CYP2C18: variants seen among roughly 807,000 people sequenced by gnomAD.
CYP2C18 encodes cytochrome P450 2C18.
A neutral mutation model predicts 41.3 loss-of-function variants in CYP2C18; 38 were observed. The observed-to-expected ratio is 0.92, with a 90% CI of 0.71 to 1.21. CYP2C18 has a LOEUF of 1.21. Among genes scored for constraint, CYP2C18 ranks in the 50% most tolerant of loss-of-function variants. The pLI is 0.00. For missense variants in CYP2C18, 635 were observed against 591.4 expected (o/e 1.07, Z -0.77); for synonymous variants, 236 against 210.0 (o/e 1.12, Z -1.07).
intron 5 of CYP2C18, among the ~76,000 whole-genome samples, chr10:94,718,213 A>G (rs1847588498): frequency 6.6e-6 from 1 of 151,724 alleles, no homozygotes; most frequent in Non-Finnish European, 1.5e-5. Flanking sequence ...GCTATTGTAA[A>G]TGGGTTTATT....
At chr10:94,723,038 A>T (rs1847673141) in intron 6 of CYP2C18, among the ~76,000 whole-genome samples, 1 of 152,184 alleles carries the variant, frequency 6.6e-6, no homozygotes, top group African/African-American at 2.4e-5. Flanking sequence ...AGGGAAAGTC[A>T]TAAAAACATT....
Position 94,735,248 on chromosome 10 carries a change from G to C in CYP2C18, c.1292-15G>C, listed in dbSNP as rs1323566588. On this transcript the variant is annotated splice_polypyrimidine_tract_variant and intron_variant, in intron 8 of 8. Coordinates refer to ENST00000285979, the MANE Select transcript of CYP2C18 (RefSeq NM_000772.3). ...AATGTTCAAGGAACAAATCCCCTAT[G>C]TCTCTTATTTTCAGGAAAACGGATG... is the stretch of plus-strand genomic sequence containing the variant. 6.2e-7 allele frequency: 1 copy of C among 1,612,688 alleles called. No homozygotes were observed. The highest frequency in any genetic ancestry group is 8.5e-7 in the Non-Finnish European group (1 of 1,179,118).
At chr10:94,732,238 C>T (rs1428734788) in intron 7 of CYP2C18, among the ~76,000 whole-genome samples, 1 of 152,076 alleles carries the variant, frequency 6.6e-6, no homozygotes, top group African/African-American at 2.4e-5. Context: ...CATCACTAAA[C>T]ATCAGAGAAA....
chr10:94,691,091 C>A (rs1389693676), intron 3 of CYP2C18, among the ~76,000 whole-genome samples: 1 of 152,164 alleles, frequency 6.6e-6, no homozygotes, highest in Non-Finnish European at 1.5e-5. Flanking sequence ...AAACTGGAAG[C>A]ATTCCCTTTG....
At chr10:94,697,467 G>A (rs1047624550) in intron 4 of CYP2C18, among the ~76,000 whole-genome samples, 16 of 152,282 alleles carry the variant, frequency 1.1e-4, no homozygotes, top group South Asian at 2.1e-4. Context: ...CCCTACAAGA[G>A]CTCCTGAAGG....
chr10:94,698,438 C>G (rs56173254), intron 4 of CYP2C18, among the ~76,000 whole-genome samples: 3,849 of 152,194 alleles, frequency 0.025, 148 homozygotes, highest in African/African-American at 0.075. Context: ...CCAATGAGAA[C>G]AAAGACACAA....
At chr10:94,703,454 AC>A (rs1249091350) in intron 4 of CYP2C18, among the ~76,000 whole-genome samples, 1 of 152,190 alleles carries the variant, frequency 6.6e-6, no homozygotes, top group Non-Finnish European at 1.5e-5. Context: ...GTCTAGAGAG[AC>A]AGTCTGGCTA....
chr10:94,733,998 C>T (rs1443084673), intron 8 of CYP2C18, among the ~76,000 whole-genome samples: 1 of 152,026 alleles, frequency 6.6e-6, no homozygotes, highest in Non-Finnish European at 1.5e-5. Flanking sequence ...TGCCTGCTTC[C>T]TGCTCATTCA....
intron 5 of CYP2C18, 110 bp downstream of exon 5, chr10:94,707,070 T>A: frequency 1.3e-6 from 1 of 757,674 alleles, no homozygotes; most frequent in Non-Finnish European, 2.2e-6. Flanking sequence ...GTACTTACCA[T>A]GTGTATAGAT....
intron 4 of CYP2C18, among the ~76,000 whole-genome samples, chr10:94,698,889 TA>T (rs1176970393): frequency 6.6e-6 from 1 of 152,060 alleles, no homozygotes; most frequent in Non-Finnish European, 1.5e-5. Flanking sequence ...AAGAAAAGAA[TA>T]AATTCCTCGA....
At chr10:94,703,158 GA>G (rs1178293928) in intron 4 of CYP2C18, among the ~76,000 whole-genome samples, 1 of 152,178 alleles carries the variant, frequency 6.6e-6, no homozygotes, top group East Asian at 1.9e-4. Flanking sequence ...TCTCCTGTAT[GA>G]CATATCTGTC....
intron 5 of CYP2C18, among the ~76,000 whole-genome samples, chr10:94,719,795 G>A (rs574488162): frequency 2.6e-5 from 4 of 151,908 alleles, no homozygotes; most frequent in South Asian, 2.1e-4. Flanking sequence ...GGCTGGTCTC[G>A]AACTCCTGAC....
intron 7 of CYP2C18, among the ~76,000 whole-genome samples, chr10:94,728,280 G>A (rs1847775542): frequency 6.6e-6 from 1 of 152,038 alleles, no homozygotes; most frequent in South Asian, 2.1e-4. Flanking sequence ...AAGTTACATA[G>A]GTGATGTTAT....
intron 5 of CYP2C18, among the ~76,000 whole-genome samples, chr10:94,719,242 T>C (rs763072800): frequency 6.6e-6 from 1 of 151,350 alleles, no homozygotes; most frequent in Non-Finnish European, 1.5e-5. Context: ...TATATACAAA[T>C]AAGAAAAAAA....
At position 94,693,367 on chromosome 10, in the gene CYP2C18, C is replaced by T. The variant is rs141859527; in HGVS notation, c.482-1550C>T. ...ACTTTTGCCATGTGAGTGAAAGCTC[C>T]TGTTTTGCCTTCTGCCGTGATTGCA... On this transcript the variant is annotated intron_variant, in intron 3 of 8. Coordinates refer to ENST00000285979, the MANE Select transcript of CYP2C18 (RefSeq NM_000772.3). 3.1e-3 allele frequency among the ~76,000 whole-genome samples: 472 copies of T among 152,232 alleles called. 3 individuals carry two copies. The highest frequency in any genetic ancestry group is 0.011 in the African/African-American group (449 of 41,546).
chr10:94,714,199 AT>A (rs527410252), intron 5 of CYP2C18, among the ~76,000 whole-genome samples: 101 of 152,026 alleles, frequency 6.6e-4, no homozygotes, highest in African/African-American at 2.4e-3. Context: ...CCATTTGTCA[AT>A]TTTGTCTTTT....
chr10:94,722,117 A>G (rs1259312717), intron 6 of CYP2C18, among the ~76,000 whole-genome samples: 1 of 152,156 alleles, frequency 6.6e-6, no homozygotes, highest in Non-Finnish European at 1.5e-5. Flanking sequence ...TAGAAATGTC[A>G]TGAGATAGCC....
Position 94,688,141 on chromosome 10 carries a change from T to A in CYP2C18, c.348T>A (p.Asn116Lys), listed in dbSNP as rs371597682. 67 of 1,613,400 alleles carry A rather than the reference T, an allele frequency of 4.2e-5. No homozygotes were observed. Among genetic ancestry groups the A allele is most frequent in the African/African-American group, 5.3e-5 (4 of 74,824 alleles). The change falls in exon 3 of 9, where the codon AAT becomes AAA. Residue 116 changes from asparagine (N) to lysine (K), a missense_variant. Coordinates refer to ENST00000285979, the MANE Select transcript of CYP2C18 (RefSeq NM_000772.3). ...TTCTGCTAGGAATCCTTTTCAGCAATGGAAAGAGATGGAAGGAGATCCGGC... is the reference window on the plus strand; with the variant it reads ...TTCTGCTAGGAATCCTTTTCAGCAAAGGAAAGAGATGGAAGGAGATCCGGC... ...VNKGLGILFS[N>K]GKRWKEIRRF...
chr10:94,728,015 A>G (rs1847772327), intron 7 of CYP2C18, among the ~76,000 whole-genome samples: 1 of 152,180 alleles, frequency 6.6e-6, no homozygotes, highest in Admixed American at 6.6e-5. Context: ...ACATTTTCCC[A>G]GTTATACTAA....
Sources: allele counts gnomAD v4.1 joint callset (sites outside exome capture counted in the v4.1 genomes callset), GRCh38; gene constraint gnomAD v4.1.1; transcripts MANE v1.5; gene names NCBI Gene and HGNC (gene_info 2026-07-23, HGNC 2026-07-21).